Variants in ABHD13 observed in about 807,000 individuals in gnomAD.
ABHD13 encodes protein ABHD13.
Under a neutral mutation model 25.2 loss-of-function variants are expected in ABHD13, and 7 were observed. The observed-to-expected ratio is 0.28, with a 90% CI of 0.16 to 0.52. The LOEUF (loss-of-function observed/expected upper bound fraction) is 0.52, where lower values mean the gene tolerates loss of function less well. Ranked by LOEUF, ABHD13 falls within the 20% of genes least tolerant of loss-of-function variation. The probability of loss-of-function intolerance (pLI) is 0.96; values close to 1 mark genes in which losing one functional copy is unlikely to be tolerated. For missense variants in ABHD13, 302 were observed against 402.7 expected, an observed-to-expected ratio of 0.75 and a Z score of 2.14; for synonymous variants, 133 against 136.1, an observed-to-expected ratio of 0.98 and a Z score of 0.16.
intron 1 of ABHD13, among the ~76,000 whole-genome samples, chr13:108,224,571 A>G (rs559255280): frequency 2.0e-5 from 3 of 152,334 alleles, no homozygotes; most frequent in Admixed American, 2.0e-4. Context: ...ATATGAACAC[A>G]GGAGATGATT....
intron 1 of ABHD13, among the ~76,000 whole-genome samples, chr13:108,223,600 G>A (rs9587532): frequency 0.019 from 2,881 of 152,314 alleles, 84 homozygotes; most frequent in African/African-American, 0.064. Context: ...CAACACGTGA[G>A]GCCACTACCT....
At chr13:108,228,497 A>G (rs1879719531) in intron 1 of ABHD13, among the ~76,000 whole-genome samples, 1 of 152,014 alleles carries the variant, frequency 6.6e-6, no homozygotes. Flanking sequence ...TAAAACTAAT[A>G]CAATATTAGA....
chr13:108,231,163 A>G lies in ABHD13; in HGVS notation c.*931A>G, dbSNP rs1879795917. 6.0e-6 allele frequency: 1 copy of G among 166,762 alleles called. No individual in the cohort carries two copies. The highest frequency in any genetic ancestry group is 2.4e-5 in the African/African-American group (1 of 41,446). The allele number at this position is 166,762 out of a possible 1,614,324, so 10.3% of individuals were successfully genotyped here. ...TTATCATTGCAGGATTGTACATACTACTTTATAAAAATTCTCACCTTTGAT... is the reference window on the plus strand; with the variant it reads ...TTATCATTGCAGGATTGTACATACTGCTTTATAAAAATTCTCACCTTTGAT... On this transcript the variant is annotated 3_prime_UTR_variant, in exon 2 of 2. Coordinates refer to ENST00000375898, the MANE Select transcript of ABHD13 (RefSeq NM_032859.3).
In ABHD13 at chr13:108,229,827, T is replaced by G. The variant is rs750381944; in HGVS notation, c.609T>G (p.Ala203=). The G allele has an allele frequency of 2.5e-6, 4 of 1,613,490 alleles. No individual in the cohort carries two copies. In the Admixed American group the frequency reaches 6.7e-5, roughly 27 times the overall value. The change falls in exon 2 of 2, where the codon GCT becomes GCG. Residue 203 remains alanine, a synonymous_variant. Coordinates refer to ENST00000375898, the MANE Select transcript of ABHD13 (RefSeq NM_032859.3). The surrounding 1 kb of genome is among the most constrained non-coding windows in gnomAD (Gnocchi z 4.7). The part of the protein sequence containing the change: ...SLGGAVAIHL[A]SENSHRISAI... ...GTGGAGCAGTGGCTATTCATTTGGC[T>G]TCTGAAAATTCACATAGGATTTCAG...
intron 1 of ABHD13, among the ~76,000 whole-genome samples, chr13:108,227,990 A>G (rs569337470): frequency 1.2e-4 from 18 of 152,190 alleles, no homozygotes; most frequent in African/African-American, 3.1e-4. Context: ...TAAATCATCC[A>G]ACTCATTATT....
chr13:108,219,598 A>G (rs377236321), intron 1 of ABHD13, among the ~76,000 whole-genome samples: 3 of 152,208 alleles, frequency 2.0e-5, no homozygotes, highest in African/African-American at 7.2e-5. Context: ...TATCCTACCT[A>G]AGACATCAGC....
chr13:108,220,409 C>G (rs1225336348), intron 1 of ABHD13, among the ~76,000 whole-genome samples: 4 of 152,214 alleles, frequency 2.6e-5, no homozygotes, highest in Admixed American at 2.6e-4. Flanking sequence ...TTCCCATGAT[C>G]TCTTCTCATA....
intron 1 of ABHD13, 31 bp downstream of exon 1, chr13:108,218,690 G>A (rs910969153): frequency 2.0e-5 from 3 of 151,688 alleles, no homozygotes; most frequent in African/African-American, 7.3e-5. Context: ...CCGAGCCCGC[G>A]GGGCCCGAGC....
intron 1 of ABHD13, among the ~76,000 whole-genome samples, chr13:108,226,755 T>C (rs1381052690): frequency 6.6e-6 from 1 of 152,208 alleles, no homozygotes; most frequent in Non-Finnish European, 1.5e-5. Context: ...TATGCTTTGC[T>C]GATACTTTCA....
intron 1 of ABHD13, among the ~76,000 whole-genome samples, chr13:108,223,751 C>A (rs1879614587): frequency 6.6e-6 from 1 of 152,132 alleles, no homozygotes; most frequent in Admixed American, 6.5e-5. Flanking sequence ...ATTAGAGGGT[C>A]TTGGGGACCC....
chr13:108,228,010 A>G lies in ABHD13; in HGVS notation c.-20-1189A>G, dbSNP rs537811952. Among the ~76,000 whole-genome samples the G allele has an allele frequency of 2.3e-4, 35 of 152,212 alleles. 1 individual carries two copies. The highest frequency in any genetic ancestry group is 4.1e-4 in the Non-Finnish European group (28 of 67,954). On this transcript the variant is annotated intron_variant, in intron 1 of 1. Coordinates refer to ENST00000375898, the MANE Select transcript of ABHD13 (RefSeq NM_032859.3). ...CATCCAACTCATTATTTGTATAATC[A>G]ATCTATAACCTCTTTATAGCAGTTT...
intron 1 of ABHD13, among the ~76,000 whole-genome samples, chr13:108,223,310 C>T (rs1879605016): frequency 6.6e-6 from 1 of 152,180 alleles, no homozygotes; most frequent in African/African-American, 2.4e-5. Context: ...TAAGTCTGAA[C>T]AACCATAGTT....
chr13:108,230,163 CAAA>C lies in ABHD13; in HGVS notation c.946_948del (p.Lys316del). On this transcript the variant is annotated inframe_deletion, in exon 2 of 2. Coordinates refer to ENST00000375898, the MANE Select transcript of ABHD13 (RefSeq NM_032859.3). The stretch of plus-strand genomic sequence containing the variant: ...ATTTCACTGCACTTGAACAGTTCAT[CAAA>C]GAAGTCGTAAAGAGCCATTCTCCTG... 1 of 1,612,260 alleles carries C rather than the reference CAAA, an allele frequency of 6.2e-7. No homozygotes were observed. Among genetic ancestry groups the C allele is most frequent in the Non-Finnish European group, 8.5e-7 (1 of 1,178,994 alleles).
At chr13:108,234,242 GATTA>G (rs919289456) in exon 2 of ABHD13, 1 of 166,358 alleles carries the variant, frequency 6.0e-6, no homozygotes, top group Non-Finnish European at 1.5e-5. Flanking sequence ...TTAAAAATTT[GATTA>G]ATGTCTTCAG....
intron 1 of ABHD13, among the ~76,000 whole-genome samples, chr13:108,227,456 C>T (rs1402187510): frequency 6.6e-6 from 1 of 151,860 alleles, no homozygotes; most frequent in East Asian, 1.9e-4. Context: ...GCTACTAAAA[C>T]GAAAATAACT....
chr13:108,220,315 G>A (rs999597300), intron 1 of ABHD13, among the ~76,000 whole-genome samples: 1 of 152,170 alleles, frequency 6.6e-6, no homozygotes, highest in African/African-American at 2.4e-5. Context: ...CTTGGCATGT[G>A]GATAAGAGGG....
chr13:108,228,210 TA>T (rs963611970), intron 1 of ABHD13, among the ~76,000 whole-genome samples: 33 of 82,416 alleles, frequency 4.0e-4, no homozygotes, highest in African/African-American at 2.4e-3. Flanking sequence ...TTACTTTCTT[TA>T]TATCAGTTAA....
At chr13:108,219,908 G>A (rs1349215745) in intron 1 of ABHD13, among the ~76,000 whole-genome samples, 1 of 152,068 alleles carries the variant, frequency 6.6e-6, no homozygotes, top group Non-Finnish European at 1.5e-5. Context: ...GTTCAGATAC[G>A]GTACCTCTAG....
In ABHD13 at chr13:108,229,207, C is replaced by T; in HGVS notation, c.-12C>T. Reference sequence around the variant, plus strand: ...TCCCTCTCTCTCTCTAGGATACTTACAGAGAGCTACAATGGAAAAGTCCTG... The same window carrying T: ...TCCCTCTCTCTCTCTAGGATACTTATAGAGAGCTACAATGGAAAAGTCCTG... On this transcript the variant is annotated 5_prime_UTR_variant, in exon 2 of 2. Transcript: ENST00000375898. The surrounding 1 kb of genome is among the most constrained non-coding windows in gnomAD (Gnocchi z 4.7). The T allele has an allele frequency of 1.3e-6, 2 of 1,529,980 alleles. No homozygotes were observed. Among genetic ancestry groups the T allele is most frequent in the Non-Finnish European group, 1.7e-6 (2 of 1,145,110 alleles). 94.8% of individuals were successfully genotyped at this position (1,529,980 alleles called of 1,614,324 possible). A position where few individuals can be genotyped will look rare whatever the true frequency, so the allele number is the denominator to read the frequency against.
Sources: allele counts gnomAD v4.1 joint callset (sites outside exome capture counted in the v4.1 genomes callset), GRCh38; gene constraint gnomAD v4.1.1; non-coding constraint Gnocchi (gnomAD v3.1); transcripts MANE v1.5; gene names NCBI Gene and HGNC (gene_info 2026-07-23, HGNC 2026-07-21).